The following OTOG variants were observed in gnomAD, a reference collection of about 807,000 sequenced individuals.
The protein encoded by OTOG is otogelin.
In OTOG, 296 loss-of-function variants were observed where a neutral mutation model predicts 313.8. That is an observed-to-expected ratio of 0.94 (90% CI 0.86 to 1.04). The LOEUF (loss-of-function observed/expected upper bound fraction) is 1.04. Among genes scored for constraint, OTOG ranks in the 50% least tolerant of loss-of-function variants. The pLI, the probability that OTOG is intolerant of heterozygous loss-of-function variation, is 0.00. For missense variants in OTOG, 3,948 were observed against 3,840.1 expected, an observed-to-expected ratio of 1.03 and a Z score of -0.74; for synonymous variants, 1,533 against 1,554.9, an observed-to-expected ratio of 0.99 and a Z score of 0.33.
intron 1 of OTOG, 51 bp from the exon 2 acceptor site, chr11:17,547,876 G>T (rs968555051): frequency 6.6e-5 from 29 of 442,402 alleles, no homozygotes; most frequent in African/African-American, 5.0e-4. Context: ...GTGGTGGGAG[G>T]CCCCAGTAAA....
At chr11:17,617,995 C>T (rs1031642784) in intron 39 of OTOG, among the ~76,000 whole-genome samples, 1 of 151,932 alleles carries the variant, frequency 6.6e-6, no homozygotes, top group Admixed American at 6.6e-5. Context: ...TCACTGCAAG[C>T]TCTGCCTCCC....
At chr11:17,589,774 C>T (rs1253307573) in intron 24 of OTOG, among the ~76,000 whole-genome samples, 5 of 152,170 alleles carry the variant, frequency 3.3e-5, no homozygotes, top group African/African-American at 4.8e-5. Context: ...CCCATCATTC[C>T]TTCGAAACTA....
chr11:17,635,179 A>G lies in OTOG; in HGVS notation c.7685A>G (p.Tyr2562Cys), dbSNP rs1395371796. Residue 2562 changes from tyrosine (Y) to cysteine (C), a missense_variant, in exon 46 of 56, where the codon TAC becomes TGC. Transcript: ENST00000399397. ...GRLGDSCCTSYFCACGDCPDS... is the reference protein window; with the variant it reads ...GRLGDSCCTSCFCACGDCPDS... ...CTGGGGGACTCCTGCTGCACCTCCTACTTCTGCGGTGGGTCGCCGCCACCA... is the reference window on the plus strand; with the variant it reads ...CTGGGGGACTCCTGCTGCACCTCCTGCTTCTGCGGTGGGTCGCCGCCACCA... 1 of 1,541,712 alleles carries G rather than the reference A, an allele frequency of 6.5e-7. No homozygotes were observed. The highest frequency in any genetic ancestry group is 8.7e-7 in the Non-Finnish European group (1 of 1,145,358).
chr11:17,600,510 G>T (rs572503023), intron 31 of OTOG, among the ~76,000 whole-genome samples: 41 of 152,324 alleles, frequency 2.7e-4, no homozygotes, highest in African/African-American at 9.6e-4. Context: ...TGCATTATCA[G>T]ATTTTGGCTT....
At chr11:17,581,199 G>A (rs558218760) in intron 23 of OTOG, among the ~76,000 whole-genome samples, 78 of 152,302 alleles carry the variant, frequency 5.1e-4, no homozygotes, top group Non-Finnish European at 6.8e-4. Context: ...GGGCGTCGGG[G>A]GAGGGAGACA....
chr11:17,589,447 T>C (rs1006378964), intron 24 of OTOG, among the ~76,000 whole-genome samples: 16 of 152,200 alleles, frequency 1.1e-4, no homozygotes, highest in Admixed American at 1.0e-3. Flanking sequence ...GTACAACAGA[T>C]GAACTAAGTG....
intron 51 of OTOG, 145 bp from the exon 52 acceptor site, chr11:17,641,702 G>C (rs568799077): frequency 1.0e-4 from 61 of 605,808 alleles, no homozygotes; most frequent in African/African-American, 1.0e-3. Flanking sequence ...AGCTGCCTGT[G>C]ACAGAAGGAG....
At chr11:17,588,190 G>C (rs750209441) in intron 24 of OTOG, among the ~76,000 whole-genome samples, 39 of 152,172 alleles carry the variant, frequency 2.6e-4, no homozygotes, top group Non-Finnish European at 4.4e-4. Flanking sequence ...AGATGGGCAA[G>C]TTTTTACTTT....
Position 17,638,531 on chromosome 11 carries a change from T to A in OTOG, c.7876T>A (p.Cys2626Ser). ...LVEVWSPDRC[C>S]PYKSCECDCD... Reference sequence around the variant, plus strand: ...GGAGGTGTGGAGCCCCGACCGCTGCTGCCCCTACAAATCCTGTGGTGAGTC... The same window carrying A: ...GGAGGTGTGGAGCCCCGACCGCTGCAGCCCCTACAAATCCTGTGGTGAGTC... Residue 2626 changes from cysteine to serine, a missense_variant, in exon 48 of 56, where the codon TGC (cysteine) becomes AGC (serine). Cys to Ser is a moderately radical substitution (Grantham distance 112). Coordinates refer to ENST00000399397, the MANE Select transcript of OTOG (RefSeq NM_001292063.2). The A allele has an allele frequency of 6.4e-7, 1 of 1,550,482 alleles. No individual in the cohort carries two copies. The highest frequency in any genetic ancestry group is 8.7e-7 in the Non-Finnish European group (1 of 1,146,954).
At chr11:17,616,896 T>A (rs929715890) in intron 39 of OTOG, among the ~76,000 whole-genome samples, 3 of 152,224 alleles carry the variant, frequency 2.0e-5, no homozygotes, top group African/African-American at 7.2e-5. Context: ...AGTGTGATGC[T>A]GAATAAGAAA....
chr11:17,562,746 G>A (rs1458389184), intron 15 of OTOG, among the ~76,000 whole-genome samples: 11 of 151,994 alleles, frequency 7.2e-5, no homozygotes, highest in South Asian at 2.1e-4. Context: ...TAACTTTATC[G>A]TCTCTGCTTC....
intron 28 of OTOG, among the ~76,000 whole-genome samples, chr11:17,595,416 T>G (rs374357116): frequency 3.9e-5 from 6 of 152,276 alleles, no homozygotes; most frequent in African/African-American, 1.4e-4. Context: ...ATATAAAAAT[T>G]TTATGAGACT....
At chr11:17,631,375 T>A (rs761403153) in intron 40 of OTOG, among the ~76,000 whole-genome samples, 21 of 137,292 alleles carry the variant, frequency 1.5e-4, no homozygotes, top group Non-Finnish European at 3.2e-4. Flanking sequence ...TCTCTCTCTC[T>A]CTCTGTGTGT....
intron 30 of OTOG, among the ~76,000 whole-genome samples, chr11:17,597,237 A>G (rs1565110023): frequency 6.6e-6 from 1 of 152,210 alleles, no homozygotes; most frequent in Non-Finnish European, 1.5e-5. Context: ...ATCAAGTAAC[A>G]TGCTCAAGGT....
In OTOG at chr11:17,634,893, C is replaced by A. The variant is rs1435123206; in HGVS notation, c.7530C>A (p.Gly2510=). The change falls in exon 45 of 56, where the codon GGC becomes GGA. Residue 2510 remains glycine (G), a synonymous_variant. Transcript: ENST00000399397. ...CEGLAPTCRP[G]HRLLTHFQED... Reference sequence around the variant, plus strand: ...GTCTCGCCCCCACATGCCGCCCAGGCCACCGCCTCCTCACCCACTTCCAGG... The same window carrying A: ...GTCTCGCCCCCACATGCCGCCCAGGACACCGCCTCCTCACCCACTTCCAGG... The A allele has an allele frequency of 1.9e-6, 3 of 1,549,488 alleles. No homozygotes were observed. The highest frequency in any genetic ancestry group is 8.7e-7 in the Non-Finnish European group (1 of 1,146,854).
intron 24 of OTOG, among the ~76,000 whole-genome samples, chr11:17,589,597 C>T (rs1852882762): frequency 6.6e-6 from 1 of 152,132 alleles, no homozygotes; most frequent in Non-Finnish European, 1.5e-5. Context: ...CTGGCTCATC[C>T]CTATTGCATA....
chr11:17,641,267 CA>C (rs1267365507), intron 51 of OTOG, among the ~76,000 whole-genome samples, 176 bp downstream of exon 51: 3 of 152,208 alleles, frequency 2.0e-5, no homozygotes, highest in Admixed American at 6.5e-5. Context: ...TGGGAGAGGC[CA>C]GAAGGGGAAC....
chr11:17,578,626 A>G (rs1007411535), intron 23 of OTOG, 100 bp downstream of exon 23: 2 of 1,393,434 alleles, frequency 1.4e-6, no homozygotes, highest in African/African-American at 2.9e-5. Context: ...ATGGCCTTGT[A>G]GGAAGGCACT....
chr11:17,590,132 A>G (rs570175938), intron 24 of OTOG, among the ~76,000 whole-genome samples: 1 of 152,192 alleles, frequency 6.6e-6, no homozygotes, highest in South Asian at 2.1e-4. Flanking sequence ...GCAGAGGACT[A>G]CCAGATTTCT....
Sources: gnomAD v4.1 joint callset for allele counts (sites outside exome capture counted in the v4.1 genomes callset) on GRCh38, gnomAD v4.1.1 for gene constraint, MANE v1.5 for transcripts, NCBI Gene and HGNC (gene_info 2026-07-23, HGNC 2026-07-21) for gene names.